The following DMD variants were observed in gnomAD, a reference collection of about 807,000 sequenced individuals.
DMD encodes dystrophin.
Under a neutral mutation model 330.1 loss-of-function variants are expected in DMD, and 63 were observed. That is an observed-to-expected ratio of 0.19 (90% confidence interval 0.16 to 0.24). DMD has a LOEUF of 0.24. DMD is among the 10% of genes least tolerant of loss of function. The probability of loss-of-function intolerance (pLI) is 1.00; values close to 1 mark genes in which losing one functional copy is unlikely to be tolerated. For synonymous variants in DMD, 1,223 were observed against 959.8 expected (o/e 1.27, Z -5.07); for missense variants, 3,344 against 2,684.1 (o/e 1.25, Z -5.43).
At chrX:32,659,345 G>A (rs1383959547) in intron 9 of DMD, among the ~76,000 whole-genome samples, 1 of 111,498 alleles carries the variant, frequency 9.0e-6, no homozygotes, top group Non-Finnish European at 1.9e-5. Context: ...CAAAGATGTG[G>A]TATATCCTTC....
At chrX:32,085,663 C>T (rs1189589090) in intron 44 of DMD, among the ~76,000 whole-genome samples, 2 of 60,048 alleles carry the variant, frequency 3.3e-5, no homozygotes, top group Non-Finnish European at 3.2e-5. Flanking sequence ...TGTATATATA[C>T]GTATATATAC....
chrX:32,712,048 C>A (rs2065236221), intron 7 of DMD, among the ~76,000 whole-genome samples: 1 of 111,804 alleles, frequency 8.9e-6, no homozygotes, highest in Non-Finnish European at 1.9e-5. Flanking sequence ...AGTATGTTTT[C>A]AGCAAATTTC....
chrX:32,057,095 T>A (rs1180319377), intron 44 of DMD, among the ~76,000 whole-genome samples: 1 of 110,459 alleles, frequency 9.1e-6, no homozygotes, highest in Non-Finnish European at 1.9e-5. Context: ...CACAACAAAC[T>A]AGGAATAGAA....
chrX:32,554,440 C>T (rs913137582), intron 16 of DMD, among the ~76,000 whole-genome samples: 1 of 110,891 alleles, frequency 9.0e-6, no homozygotes, highest in Non-Finnish European at 1.9e-5. Context: ...GGAATATCAC[C>T]AATAATTCTA....
At chrX:31,341,804 C>G (rs1178511180) in intron 61 of DMD, among the ~76,000 whole-genome samples, 1 of 110,582 alleles carries the variant, frequency 9.0e-6, no homozygotes, top group African/African-American at 3.3e-5. Flanking sequence ...TCGAATGATT[C>G]AATGTTTCTC....
chrX:33,314,112 C>T (rs780396538), intron 1 of DMD, among the ~76,000 whole-genome samples: 5 of 108,496 alleles, frequency 4.6e-5, no homozygotes, highest in Non-Finnish European at 7.6e-5. Flanking sequence ...ACATTACACA[C>T]GCACACACAC....
At chrX:32,866,864 G>C (rs192212656) in intron 2 of DMD, among the ~76,000 whole-genome samples, 2,917 of 109,918 alleles carry the variant, frequency 0.027, 109 homozygotes, top group African/African-American at 0.092. Context: ...CTTCCAAGTA[G>C]CTGGGATTAC....
At chrX:31,827,156 C>T (rs1027081005) in intron 49 of DMD, among the ~76,000 whole-genome samples, 1 of 111,607 alleles carries the variant, frequency 9.0e-6, no homozygotes, top group Non-Finnish European at 1.9e-5. Flanking sequence ...ATACTGCAAT[C>T]ACTCTGATTT....
chrX:31,941,757 G>A (rs1423144446), intron 45 of DMD, among the ~76,000 whole-genome samples: 1 of 110,860 alleles, frequency 9.0e-6, no homozygotes, highest in Non-Finnish European at 1.9e-5. Context: ...TTTATAATGA[G>A]TACCCAATGT....
At chrX:32,116,366 CAT>C (rs1328274706) in intron 44 of DMD, among the ~76,000 whole-genome samples, 1 of 112,391 alleles carries the variant, frequency 8.9e-6, no homozygotes, top group Non-Finnish European at 1.9e-5. Context: ...TATCTGAAAT[CAT>C]ATGTGTATGC....
chrX:33,328,205 GT>G (rs1347983955), intron 1 of DMD, among the ~76,000 whole-genome samples: 4 of 110,907 alleles, frequency 3.6e-5, no homozygotes, highest in African/African-American at 1.3e-4. Context: ...GTTTTGTTTT[GT>G]TTTCCTTTGT....
intron 23 of DMD, among the ~76,000 whole-genome samples, chrX:32,465,976 T>C (rs182785807): frequency 9.0e-6 from 1 of 111,620 alleles, no homozygotes; most frequent in East Asian, 2.8e-4. Flanking sequence ...TCTACAGTGA[T>C]GCCAGTAATC....
At chrX:31,279,605 A>T (rs1206612138) in intron 62 of DMD, among the ~76,000 whole-genome samples, 1 of 112,327 alleles carries the variant, frequency 8.9e-6, no homozygotes, top group Non-Finnish European at 1.9e-5. Flanking sequence ...AGATACACAC[A>T]AACCTAGTTG....
chrX:33,337,518 T>C (rs896966540), intron 1 of DMD, among the ~76,000 whole-genome samples: 1 of 111,613 alleles, frequency 9.0e-6, no homozygotes, highest in Non-Finnish European at 1.9e-5. Flanking sequence ...TCAGAGTGCC[T>C]GAACCACATT....
In DMD at chrX:32,454,740, T is replaced by A; in HGVS notation, c.3525A>T (p.Gln1175His). The change falls in exon 26 of 79, where the codon CAA becomes CAT. Residue 1175 changes from glutamine to histidine, a missense_variant. By Grantham distance (24) the Gln-to-His change is conservative. Transcript: ENST00000357033. ...DLSEMHEWMT[Q>H]AEEEYLERDF... ...CTCTCTCAAGATACTCTTCTTCAGC[T>A]TGTGTCATCCATTCGTGCATCTCTG... 1 of 1,206,546 alleles carries A rather than the reference T, an allele frequency of 8.3e-7. No individual in the cohort carries two copies. The highest frequency in any genetic ancestry group is 1.1e-6 in the Non-Finnish European group (1 of 892,470).
chrX:31,581,748 T>C (rs1385627752), intron 55 of DMD, among the ~76,000 whole-genome samples: 1 of 112,023 alleles, frequency 8.9e-6, no homozygotes, highest in Non-Finnish European at 1.9e-5. Context: ...GTAAGAGTAT[T>C]AGAATATTAA....
intron 7 of DMD, among the ~76,000 whole-genome samples, chrX:32,774,871 G>T (rs757252218): frequency 3.6e-5 from 4 of 111,628 alleles, no homozygotes; most frequent in Non-Finnish European, 7.5e-5. Flanking sequence ...ACTCATTTCG[G>T]CATTAAGTCA....
chrX:31,300,695 T>C (rs2054577498), intron 62 of DMD, among the ~76,000 whole-genome samples: 1 of 112,383 alleles, frequency 8.9e-6, no homozygotes. Flanking sequence ...AACATGTTCA[T>C]TGCAGTTGTC....
intron 44 of DMD, chrX:32,102,138 A>C (rs1404198475): frequency 9.0e-6 from 1 of 111,685 alleles, no homozygotes; most frequent in Non-Finnish European, 1.9e-5. Context: ...CGACCTGGTT[A>C]GTACTTGGAT....
Sources: gnomAD v4.1 joint callset for allele counts (sites outside exome capture counted in the v4.1 genomes callset) on GRCh38, gnomAD v4.1.1 for gene constraint, MANE v1.5 for transcripts, NCBI Gene and HGNC (gene_info 2026-07-23, HGNC 2026-07-21) for gene names.